HNRNPUL1: variants seen among roughly 807,000 people sequenced by gnomAD.
HNRNPUL1 encodes the protein heterogeneous nuclear ribonucleoprotein U-like protein 1.
Under a neutral mutation model 108.5 loss-of-function variants are expected in HNRNPUL1, and 14 were observed. The observed-to-expected ratio is 0.13, with a 90% CI of 0.09 to 0.20. HNRNPUL1 has a LOEUF of 0.20. Ranked by LOEUF, HNRNPUL1 falls within the 10% of genes least tolerant of loss-of-function variation. The pLI is 1.00. For synonymous variants in HNRNPUL1, 422 were observed against 445.2 expected, an observed-to-expected ratio of 0.95 and a Z score of 0.66; for missense variants, 804 against 1,168.3, an observed-to-expected ratio of 0.69 and a Z score of 4.55.
chr19:41,281,309 C>T (rs1234951813), intron 7 of HNRNPUL1, 34 bp downstream of exon 7: 2 of 1,438,710 alleles, frequency 1.4e-6, no homozygotes, highest in Non-Finnish European at 9.8e-7. Context: ...GTTGGCAGAA[C>T]CAGATGTTGG....
chr19:41,264,449 G>A lies in HNRNPUL1; in HGVS notation c.-55G>A, dbSNP rs1599752652. The A allele has an allele frequency of 4.5e-6, 6 of 1,320,274 alleles. No individual in the cohort carries two copies. In the East Asian group the frequency reaches 1.8e-4, roughly 40 times the overall value. The allele number at this position is 1,320,274 out of a possible 1,614,324, so 81.8% of individuals were successfully genotyped here. ...CTCCTGACAGGAAAGGTTTAAGGGG[G>A]ACAGAGCCCTGGGAGGCCGGGCCGG... On this transcript the variant is annotated 5_prime_UTR_variant, in exon 1 of 15. Coordinates refer to ENST00000392006, the MANE Select transcript of HNRNPUL1 (RefSeq NM_007040.6).
chr19:41,291,401 G>A (rs1292289491), intron 7 of HNRNPUL1, among the ~76,000 whole-genome samples: 1 of 152,196 alleles, frequency 6.6e-6, no homozygotes, highest in Non-Finnish European at 1.5e-5. Flanking sequence ...AACTCAGTTC[G>A]AAAAGGCCCT....
In HNRNPUL1 at chr19:41,294,151, G is replaced by A. The variant is rs2036750567; in HGVS notation, c.1267-187G>A. ...ATGCTCACCCTGTCCCAGGCACTGT[G>A]CTCAGAGTCTGACAAGCCTGATCTT... On this transcript the variant is annotated intron_variant, in intron 8 of 14. Transcript: ENST00000392006. This position sits in a 1 kb window ranked among gnomAD's most constrained non-coding sequence, Gnocchi z 4.3. Among the ~76,000 whole-genome samples the A allele has an allele frequency of 1.3e-5, 2 of 152,134 alleles. No individual in the cohort carries two copies. The highest frequency in any genetic ancestry group is 4.8e-5 in the African/African-American group (2 of 41,422).
At chr19:41,269,410 T>C (rs1430916012) in intron 2 of HNRNPUL1, among the ~76,000 whole-genome samples, 2 of 149,174 alleles carry the variant, frequency 1.3e-5, no homozygotes. Flanking sequence ...AGCCCAGGAG[T>C]TTGAGGCTGC....
chr19:41,300,296 CA>C (rs1254020504), intron 10 of HNRNPUL1, among the ~76,000 whole-genome samples: 2 of 151,838 alleles, frequency 1.3e-5, no homozygotes, highest in Non-Finnish European at 2.9e-5. Context: ...TCTTTGCACC[CA>C]AGCAGGCCAC....
chr19:41,281,287 C>G lies in HNRNPUL1; in HGVS notation c.999+12C>G. On this transcript the variant is annotated intron_variant, in intron 7 of 14. Coordinates refer to ENST00000392006, the MANE Select transcript of HNRNPUL1 (RefSeq NM_007040.6). ...TTGGCTGCTTTGCGGTGAGTGCTAGCAGCCTGTGGGAGTTGGCAGAACCAG... is the reference window on the plus strand; with the variant it reads ...TTGGCTGCTTTGCGGTGAGTGCTAGGAGCCTGTGGGAGTTGGCAGAACCAG... The G allele has an allele frequency of 6.3e-7, 1 of 1,584,772 alleles. No homozygotes were observed. Among genetic ancestry groups the G allele is most frequent in the South Asian group, 1.1e-5 (1 of 90,410 alleles).
intron 2 of HNRNPUL1, among the ~76,000 whole-genome samples, chr19:41,269,482 A>G (rs1194899850): frequency 6.4e-5 from 6 of 93,342 alleles, no homozygotes; most frequent in Non-Finnish European, 1.3e-4. Flanking sequence ...CCTGTCACGA[A>G]AAAAAAAAAA....
At position 41,290,828 on chromosome 19, in the gene HNRNPUL1, G is replaced by A. The variant is rs192909963; in HGVS notation, c.1000-1417G>A. Among the ~76,000 whole-genome samples the A allele has an allele frequency of 7.6e-4, 116 of 152,200 alleles. 3 individuals are homozygous for A. In the East Asian group the frequency reaches 0.02, roughly 27 times the overall value. ...TCCCAGCACTTTGGGAGGCTGAGGCGGGTGGATCACCTGAGGTCAGGAGTT... is the reference window on the plus strand; with the variant it reads ...TCCCAGCACTTTGGGAGGCTGAGGCAGGTGGATCACCTGAGGTCAGGAGTT... On this transcript the variant is annotated intron_variant, in intron 7 of 14. Transcript: ENST00000392006.
chr19:41,264,434 G>C lies in HNRNPUL1; in HGVS notation c.-70G>C. 2 of 1,251,690 alleles carry C rather than the reference G, an allele frequency of 1.6e-6. No individual in the cohort carries two copies. The highest frequency in any genetic ancestry group is 6.2e-5 in the East Asian group (2 of 32,170). 77.5% of individuals were successfully genotyped at this position (1,251,690 alleles called of 1,614,324 possible). On this transcript the variant is annotated 5_prime_UTR_variant, in exon 1 of 15. Coordinates refer to ENST00000392006, the MANE Select transcript of HNRNPUL1 (RefSeq NM_007040.6). ...CCTTTCCCCCTTCGCCTCCTGACAG[G>C]AAAGGTTTAAGGGGGACAGAGCCCT...
chr19:41,264,177 T>C (rs1283085963), upstream of HNRNPUL1, among the ~76,000 whole-genome samples: 1 of 152,234 alleles, frequency 6.6e-6, no homozygotes, highest in Non-Finnish European at 1.5e-5. Context: ...CGCCCTCCGC[T>C]CCGGCCTCGG....
rs577597208 is a variant in HNRNPUL1, at chr19:41,292,819, T to C, written c.1266+308T>C. ...AGCAGAAAAGGACACTAGGCGCTTC[T>C]TGGGGAGTGCACTGTGCCACCAAGT... On this transcript the variant is annotated intron_variant, in intron 8 of 14. Coordinates refer to ENST00000392006, the MANE Select transcript of HNRNPUL1 (RefSeq NM_007040.6). The surrounding 1 kb of genome is among the most constrained non-coding windows in gnomAD (Gnocchi z 4.1). Among the ~76,000 whole-genome samples, 15 of 152,156 alleles carry C rather than the reference T, an allele frequency of 9.9e-5. No homozygotes were observed. Among genetic ancestry groups the C allele is most frequent in the Non-Finnish European group, 1.9e-4 (13 of 68,014 alleles).
chr19:41,278,998 T>C, intron 5 of HNRNPUL1, 79 bp from the exon 6 acceptor site: 1 of 946,176 alleles, frequency 1.1e-6, no homozygotes, highest in Non-Finnish European at 1.7e-6. Context: ...TAATGCCTGA[T>C]ATGCTTCCCT....
intron 3 of HNRNPUL1, 83 bp from the exon 4 acceptor site, chr19:41,273,899 A>G: frequency 2.6e-6 from 3 of 1,159,408 alleles, no homozygotes; most frequent in Admixed American, 1.8e-5. Flanking sequence ...GAGGCCACTC[A>G]TAGATTACAG....
intron 7 of HNRNPUL1, among the ~76,000 whole-genome samples, chr19:41,283,954 A>G (rs2122688139): frequency 6.6e-6 from 1 of 152,340 alleles, no homozygotes; most frequent in Non-Finnish European, 1.5e-5. Context: ...TATTGCTATT[A>G]TGGTGAGCTC....
rs919251379 is a variant in HNRNPUL1 at position 41,272,446 on chromosome 19, G to T, written c.572+211G>T. 1.6e-5 allele frequency: 8 copies of T among 512,202 alleles called. No homozygotes were observed. In the East Asian group the frequency reaches 2.0e-4, roughly 13 times the overall value. 31.7% of individuals were successfully genotyped at this position (512,202 alleles called of 1,614,324 possible). On this transcript the variant is annotated intron_variant, in intron 3 of 14. Coordinates refer to ENST00000392006, the MANE Select transcript of HNRNPUL1 (RefSeq NM_007040.6). The stretch of plus-strand genomic sequence containing the variant: ...CCAGTTCCTCCCTTCTTACCTGCAG[G>T]GTAACTTCTAAATATCTTAGACTTT...
intron 2 of HNRNPUL1, among the ~76,000 whole-genome samples, chr19:41,270,408 A>T (rs541456541): frequency 2.3e-4 from 35 of 151,016 alleles, no homozygotes; most frequent in African/African-American, 8.0e-4. Context: ...CTCCAAAAAA[A>T]TTTTTTTTTT....
At chr19:41,301,985 G>C (rs2037238431) in intron 11 of HNRNPUL1, among the ~76,000 whole-genome samples, 1 of 152,138 alleles carries the variant, frequency 6.6e-6, no homozygotes, top group African/African-American at 2.4e-5. Flanking sequence ...CCCTGCCTCT[G>C]GTCCCAGATG....
chr19:41,291,488 G>A (rs1262201614), intron 7 of HNRNPUL1, among the ~76,000 whole-genome samples: 4 of 151,958 alleles, frequency 2.6e-5, no homozygotes, highest in African/African-American at 9.7e-5. Flanking sequence ...GTAGAGATGG[G>A]GTCTCTTTCT....
upstream of HNRNPUL1, among the ~76,000 whole-genome samples, chr19:41,263,184 T>TC: frequency 6.6e-6 from 1 of 151,820 alleles, no homozygotes; most frequent in Admixed American, 6.6e-5. Context: ...AACGTGTGGC[T>TC]CAGGAGGCAG....
Sources: gnomAD v4.1 joint callset for allele counts (sites outside exome capture counted in the v4.1 genomes callset) on GRCh38, gnomAD v4.1.1 for gene constraint, Gnocchi (gnomAD v3.1) non-coding constraint, MANE v1.5 for transcripts, NCBI Gene and HGNC (gene_info 2026-07-23, HGNC 2026-07-21) for gene names.